Variants in CTNNA3 observed in about 807,000 individuals in gnomAD.
CTNNA3 encodes the protein catenin alpha 3, also known as catenin alpha-3.
A neutral mutation model predicts 95.7 loss-of-function variants in CTNNA3; 76 were observed. The ratio of observed to expected loss-of-function variants is 0.79; its 90% CI spans 0.66 to 0.96. CTNNA3 has a LOEUF of 0.96. CTNNA3 is among the 40% of genes least tolerant of loss of function. CTNNA3 has a pLI of 0.00. For synonymous variants in CTNNA3, 431 were observed against 374.4 expected (o/e 1.15, Z -1.74); for missense variants, 1,191 against 1,089.8 (o/e 1.09, Z -1.31).
chr10:66,168,324 C>T (rs919985678), intron 13 of CTNNA3, among the ~76,000 whole-genome samples: 19 of 151,408 alleles, frequency 1.3e-4, no homozygotes, highest in African/African-American at 2.9e-4. Context: ...CTGAATTATC[C>T]GTCCACTCAT....
chr10:66,773,289 G>T (rs1451685426), intron 8 of CTNNA3, among the ~76,000 whole-genome samples: 1 of 152,068 alleles, frequency 6.6e-6, no homozygotes, highest in African/African-American at 2.4e-5. Flanking sequence ...TATTGAACTG[G>T]GACAGGGTTT....
At chr10:67,216,540 T>G (rs1864371163) in intron 6 of CTNNA3, among the ~76,000 whole-genome samples, 1 of 152,202 alleles carries the variant, frequency 6.6e-6, no homozygotes, top group South Asian at 2.1e-4. Flanking sequence ...ATTCATGCAT[T>G]CATTGATATT....
intron 15 of CTNNA3, among the ~76,000 whole-genome samples, chr10:65,993,328 C>T (rs1418373285): frequency 1.3e-5 from 2 of 152,140 alleles, no homozygotes; most frequent in African/African-American, 2.4e-5. Flanking sequence ...CTTTCTAATG[C>T]TAAGAGTTGA....
intron 7 of CTNNA3, among the ~76,000 whole-genome samples, chr10:67,139,845 C>T (rs1192833425): frequency 1.3e-5 from 2 of 152,024 alleles, no homozygotes; most frequent in East Asian, 3.9e-4. Flanking sequence ...TTTAAAAGTT[C>T]AGAAAAAAAT....
intron 7 of CTNNA3, among the ~76,000 whole-genome samples, chr10:66,802,652 A>G (rs1296953073): frequency 1.3e-5 from 2 of 151,790 alleles, no homozygotes; most frequent in Non-Finnish European, 2.9e-5. Flanking sequence ...AGAATATTAA[A>G]ATATATATCA....
chr10:67,469,449 C>T (rs1847733099), intron 5 of CTNNA3, among the ~76,000 whole-genome samples: 3 of 151,990 alleles, frequency 2.0e-5, no homozygotes, highest in Non-Finnish European at 4.4e-5. Flanking sequence ...GAGTTCATGT[C>T]CTTCACAGGG....
At chr10:67,242,918 C>T (rs1313905986) in intron 5 of CTNNA3, among the ~76,000 whole-genome samples, 1 of 152,160 alleles carries the variant, frequency 6.6e-6, no homozygotes, top group Non-Finnish European at 1.5e-5. Context: ...TGAACAATTC[C>T]TACCTTTTAG....
chr10:67,686,860 T>A (rs1589565941), intron 1 of CTNNA3, among the ~76,000 whole-genome samples: 2 of 152,110 alleles, frequency 1.3e-5, no homozygotes, highest in South Asian at 4.2e-4. Flanking sequence ...TTGAGTTTGT[T>A]CCTTCCAATG....
intron 7 of CTNNA3, among the ~76,000 whole-genome samples, chr10:67,001,418 C>G (rs1344701833): frequency 6.6e-6 from 1 of 150,784 alleles, no homozygotes; most frequent in African/African-American, 2.4e-5. Flanking sequence ...TTACCTAAAA[C>G]CAAAAAGGTG....
intron 2 of CTNNA3, among the ~76,000 whole-genome samples, chr10:67,628,835 C>G (rs1354330860): frequency 6.6e-6 from 1 of 151,888 alleles, no homozygotes; most frequent in Non-Finnish European, 1.5e-5. Flanking sequence ...GTCCCATTGT[C>G]CACAGTTAAT....
At chr10:66,182,631 A>T (rs2086113526) in intron 13 of CTNNA3, among the ~76,000 whole-genome samples, 1 of 152,068 alleles carries the variant, frequency 6.6e-6, no homozygotes, top group East Asian at 1.9e-4. Context: ...GTACTTCAAA[A>T]TACGGCATTC....
chr10:66,549,090 G>A (rs958016006), intron 10 of CTNNA3, among the ~76,000 whole-genome samples: 7 of 143,426 alleles, frequency 4.9e-5, no homozygotes, highest in Non-Finnish European at 7.5e-5. Flanking sequence ...CCGGGTTGAC[G>A]CCATTCTCCT....
chr10:66,470,864 G>A (rs998780401), intron 11 of CTNNA3, among the ~76,000 whole-genome samples: 1 of 151,808 alleles, frequency 6.6e-6, no homozygotes, highest in Non-Finnish European at 1.5e-5. Context: ...AAAAAAATAT[G>A]TATATCTGAA....
At position 67,143,408 on chromosome 10, in the gene CTNNA3, T is replaced by C. The variant is rs187186208; in HGVS notation, c.1047+36909A>G. ...CTCACTACACTCCAGCCTGGGTGAC[T>C]GAGCAAGGCTCTGTCTTAAAAAAAA... is the stretch of plus-strand genomic sequence containing the variant. On this transcript the variant is annotated intron_variant, in intron 7 of 17. Transcript: ENST00000433211. 2.8e-3 allele frequency among the ~76,000 whole-genome samples: 229 copies of C among 81,250 alleles called. 2 individuals carry two copies. Among genetic ancestry groups the C allele is most frequent in the Middle Eastern group, 0.012 (1 of 84 alleles). 53.3% of individuals were successfully genotyped at this position (81,250 alleles called of 152,430 possible). A position where few individuals can be genotyped will look rare whatever the true frequency, so the allele number is the denominator to read the frequency against.
At position 65,977,652 on chromosome 10, in the gene CTNNA3, C is replaced by T. The variant is rs562470271; in HGVS notation, c.2266-10906G>A. 2.0e-5 allele frequency among the ~76,000 whole-genome samples: 3 copies of T among 151,918 alleles called. No homozygotes were observed. The East Asian group carries it at 5.8e-4, about 29-fold the overall frequency. ...GAAATATTAGCCGGGCATGGTGACT[C>T]GTACCTATAGTCCCAGCTACTTGGG... On this transcript the variant is annotated intron_variant, in intron 16 of 17. Coordinates refer to ENST00000433211, the MANE Select transcript of CTNNA3 (RefSeq NM_013266.4).
intron 12 of CTNNA3, among the ~76,000 whole-genome samples, chr10:66,331,343 T>A: frequency 3.9e-4 from 2 of 5,178 alleles, no homozygotes; most frequent in Non-Finnish European, 1.4e-3. Context: ...CCATTGTTTG[T>A]TTTTTTTTTT....
intron 1 of CTNNA3, among the ~76,000 whole-genome samples, chr10:67,746,798 C>T (rs1330898920): frequency 1.3e-5 from 2 of 152,212 alleles, no homozygotes; most frequent in Non-Finnish European, 2.9e-5. Context: ...CTGCCTAAGA[C>T]AACTGAGCTC....
chr10:66,333,617 T>C (rs1294198939), intron 12 of CTNNA3, among the ~76,000 whole-genome samples: 3 of 152,066 alleles, frequency 2.0e-5, no homozygotes, highest in African/African-American at 7.2e-5. Flanking sequence ...TTTCTGTTCT[T>C]TTACATTTGC....
At chr10:67,392,157 C>G (rs1844523891) in intron 5 of CTNNA3, among the ~76,000 whole-genome samples, 1 of 152,162 alleles carries the variant, frequency 6.6e-6, no homozygotes, top group African/African-American at 2.4e-5. Flanking sequence ...ACCTACTCAT[C>G]TGACAAAGGG....
Sources: gnomAD v4.1 joint callset for allele counts (sites outside exome capture counted in the v4.1 genomes callset) on GRCh38, gnomAD v4.1.1 for gene constraint, MANE v1.5 for transcripts, NCBI Gene and HGNC (gene_info 2026-07-23, HGNC 2026-07-21) for gene names.